Variants in GPATCH8 observed in about 807,000 individuals in gnomAD.
The protein encoded by GPATCH8 is G-patch domain containing 8, also known as G patch domain-containing protein 8.
GPATCH8 carries 18 observed loss-of-function variants against 118.3 expected under a neutral mutation model. The ratio of observed to expected loss-of-function variants is 0.15; its 90% CI spans 0.11 to 0.23. GPATCH8 has a LOEUF of 0.23. Among genes scored for constraint, GPATCH8 ranks in the 10% least tolerant of loss-of-function variants. GPATCH8 has a pLI of 1.00. For synonymous variants in GPATCH8, 659 were observed against 684.7 expected, an observed-to-expected ratio of 0.96 and a Z score of 0.59; for missense variants, 1,631 against 1,873.8, an observed-to-expected ratio of 0.87 and a Z score of 2.39.
intron 6 of GPATCH8, among the ~76,000 whole-genome samples, chr17:44,423,811 T>C (rs2049997658): frequency 6.6e-6 from 1 of 152,196 alleles, no homozygotes; most frequent in Non-Finnish European, 1.5e-5. Context: ...ATTTATCAGC[T>C]CTTCAACATG....
chr17:44,463,540 G>A (rs529972558), intron 3 of GPATCH8, among the ~76,000 whole-genome samples: 1 of 152,234 alleles, frequency 6.6e-6, no homozygotes, highest in South Asian at 2.1e-4. Flanking sequence ...GTGCCACCAC[G>A]CCTGGCTAAT....
At chr17:44,470,754 C>T (rs1404145167) in intron 2 of GPATCH8, among the ~76,000 whole-genome samples, 2 of 152,132 alleles carry the variant, frequency 1.3e-5, no homozygotes, top group Non-Finnish European at 2.9e-5. Context: ...GTCATCTGCC[C>T]GCCTCAGCAT....
chr17:44,478,906 T>A (rs1967993077), intron 1 of GPATCH8, among the ~76,000 whole-genome samples: 2 of 151,664 alleles, frequency 1.3e-5, no homozygotes, highest in African/African-American at 4.8e-5. Flanking sequence ...GCCCGGCTGT[T>A]TTTTATTTTG....
chr17:44,453,006 C>T (rs777920660), intron 3 of GPATCH8, among the ~76,000 whole-genome samples: 171 of 152,144 alleles, frequency 1.1e-3, no homozygotes, highest in Non-Finnish European at 1.6e-3. Flanking sequence ...TTTTTCTTTG[C>T]ATTTTAAGTA....
intron 6 of GPATCH8, among the ~76,000 whole-genome samples, chr17:44,406,360 C>T (rs922083844): frequency 6.6e-6 from 1 of 151,864 alleles, no homozygotes; most frequent in African/African-American, 2.4e-5. Context: ...ATCACCTGCT[C>T]CTCCAGGATG....
intron 7 of GPATCH8, among the ~76,000 whole-genome samples, chr17:44,404,835 T>C (rs1465417168): frequency 2.0e-5 from 3 of 152,014 alleles, no homozygotes; most frequent in Non-Finnish European, 2.9e-5. Context: ...ACACTGCAGG[T>C]TGCCACTCAT....
intron 2 of GPATCH8, among the ~76,000 whole-genome samples, chr17:44,473,934 T>C (rs1967517812): frequency 6.6e-6 from 1 of 152,222 alleles, no homozygotes; most frequent in Non-Finnish European, 1.5e-5. Flanking sequence ...ATTCTCTAAA[T>C]TGCCTTCTTA....
intron 1 of GPATCH8, chr17:44,486,699 A>G (rs1470003655): frequency 1.3e-5 from 2 of 152,206 alleles, no homozygotes; most frequent in East Asian, 1.9e-4. Context: ...TGTAACAAGT[A>G]AAACATGAAA....
At chr17:44,492,517 A>G (rs1969334824) in intron 1 of GPATCH8, among the ~76,000 whole-genome samples, 1 of 152,020 alleles carries the variant, frequency 6.6e-6, no homozygotes. Flanking sequence ...GCTTGCAGTG[A>G]GCCGAGATGT....
At chr17:44,402,111 G>A (rs1482492206) in intron 7 of GPATCH8, among the ~76,000 whole-genome samples, 2 of 151,766 alleles carry the variant, frequency 1.3e-5, no homozygotes, top group Non-Finnish European at 2.9e-5. Context: ...CATGAGATCA[G>A]GAGTTCAAGA....
chr17:44,441,379 C>T (rs1162025267), intron 3 of GPATCH8, among the ~76,000 whole-genome samples: 1 of 121,054 alleles, frequency 8.3e-6, no homozygotes, highest in East Asian at 2.3e-4. Context: ...CACCACAATG[C>T]ATCTCTGCTG....
intron 1 of GPATCH8, among the ~76,000 whole-genome samples, chr17:44,482,952 C>G (rs1416449271): frequency 1.3e-5 from 2 of 148,908 alleles, no homozygotes; most frequent in Admixed American, 6.7e-5. Context: ...GTCAGGAGAT[C>G]GAGACCATCC....
chr17:44,484,800 T>C (rs1248748091), intron 1 of GPATCH8, among the ~76,000 whole-genome samples: 2 of 152,146 alleles, frequency 1.3e-5, no homozygotes, highest in East Asian at 3.8e-4. Context: ...TTTCAATGTA[T>C]CATAAGTGCT....
At chr17:44,477,254 G>C (rs1480141893) in intron 1 of GPATCH8, among the ~76,000 whole-genome samples, 1 of 152,152 alleles carries the variant, frequency 6.6e-6, no homozygotes, top group African/African-American at 2.4e-5. Flanking sequence ...ACTGAGTCTT[G>C]TTTATCTCTT....
At chr17:44,440,629 TCTTA>T (rs1249462012) in intron 3 of GPATCH8, among the ~76,000 whole-genome samples, 2 of 152,174 alleles carry the variant, frequency 1.3e-5, no homozygotes, top group African/African-American at 4.8e-5. Context: ...CTAAGTGCTC[TCTTA>T]TATATGCAAG....
At chr17:44,450,486 G>C (rs1293769539) in intron 3 of GPATCH8, among the ~76,000 whole-genome samples, 1 of 152,112 alleles carries the variant, frequency 6.6e-6, no homozygotes, top group Non-Finnish European at 1.5e-5. Context: ...TGAACCAAAT[G>C]GGATTTACAA....
Position 44,503,375 on chromosome 17 carries a change from C to T in GPATCH8, c.-5G>A, listed in dbSNP as rs1970239682. The T allele has an allele frequency of 1.2e-6, 2 of 1,607,092 alleles. No homozygotes were observed. Among genetic ancestry groups the T allele is most frequent in the Non-Finnish European group, 1.7e-6 (2 of 1,176,800 alleles). On this transcript the variant is annotated 5_prime_UTR_variant, in exon 1 of 8. Transcript: ENST00000591680. ...GCGGGAGAAGCGGTCCGCCATTTTG[C>T]CGCCTTCACTCCTCTCAGGACGACG...
chr17:44,448,619 C>T lies in GPATCH8; in HGVS notation c.194-12074G>A, dbSNP rs1400663460. Among the ~76,000 whole-genome samples the T allele has an allele frequency of 2.1e-4, 31 of 150,252 alleles. 1 individual carries two copies. The highest frequency in any genetic ancestry group is 2.1e-3 in the Admixed American group (31 of 15,068). On this transcript the variant is annotated intron_variant, in intron 3 of 7. Transcript: ENST00000591680. ...AGAAACAAACCACTATCACTATATA[C>T]CCTTTTGCTCACTTAAGAAGCTTCC...
chr17:44,428,943 C>T (rs1395371147), intron 5 of GPATCH8, among the ~76,000 whole-genome samples: 1 of 151,926 alleles, frequency 6.6e-6, no homozygotes, highest in Admixed American at 6.6e-5. Flanking sequence ...AGATCGAGAC[C>T]ATCCTGGCTA....
Sources: allele counts gnomAD v4.1 joint callset (sites outside exome capture counted in the v4.1 genomes callset), GRCh38; gene constraint gnomAD v4.1.1; transcripts MANE v1.5; gene names NCBI Gene and HGNC (gene_info 2026-07-23, HGNC 2026-07-21).